ARHGAP6: variants seen among roughly 807,000 people sequenced by gnomAD.
ARHGAP6 encodes Rho GTPase activating protein 6.
In ARHGAP6, 16 loss-of-function variants were observed where a neutral mutation model predicts 55.7. The observed-to-expected ratio is 0.29, with a 90% CI of 0.19 to 0.44. ARHGAP6 has a LOEUF of 0.44. Among genes scored for constraint, ARHGAP6 ranks in the 20% least tolerant of loss-of-function variants. ARHGAP6 has a pLI of 1.00. For synonymous variants in ARHGAP6, 382 were observed against 360.9 expected (o/e 1.06, Z -0.66); for missense variants, 698 against 808.9 (o/e 0.86, Z 1.66).
Position 11,327,502 on chromosome X carries a change from T to G in ARHGAP6, c.589-72795A>C, listed in dbSNP as rs189038957. On this transcript the variant is annotated intron_variant, in intron 1 of 12. Coordinates refer to ENST00000337414, the MANE Select transcript of ARHGAP6 (RefSeq NM_013427.3). ...TGCAAAGTATCAAATAATTTTGGAA[T>G]GTTGAACACCTATGGGAAGGGCATA... Among the ~76,000 whole-genome samples, 425 of 112,219 alleles carry G rather than the reference T, an allele frequency of 3.8e-3. 1 individual carries two copies. The highest frequency in any genetic ancestry group is 0.014 in the Middle Eastern group (3 of 218).
chrX:11,483,507 T>C (rs763891856), intron 1 of ARHGAP6, among the ~76,000 whole-genome samples: 2 of 111,599 alleles, frequency 1.8e-5, no homozygotes, highest in Non-Finnish European at 3.8e-5. Context: ...GGTGAAGAAG[T>C]GATGCTTGGA....
chrX:11,319,980 A>T (rs1473723568), intron 1 of ARHGAP6, among the ~76,000 whole-genome samples: 1 of 112,233 alleles, frequency 8.9e-6, no homozygotes, highest in African/African-American at 3.2e-5. Context: ...AGCAGATGTT[A>T]TTCGCGTAAC....
chrX:11,522,144 A>C (rs1372660666), intron 1 of ARHGAP6, among the ~76,000 whole-genome samples: 1 of 111,900 alleles, frequency 8.9e-6, no homozygotes. Context: ...TACTGGGTAC[A>C]TAACGAAATG....
chrX:11,535,319 A>G (rs1351570463), intron 1 of ARHGAP6, among the ~76,000 whole-genome samples: 5 of 111,717 alleles, frequency 4.5e-5, no homozygotes, highest in Non-Finnish European at 9.4e-5. Context: ...AATTATTCCC[A>G]TTTATATGGA....
chrX:11,272,337 G>A (rs1211056859), intron 1 of ARHGAP6, among the ~76,000 whole-genome samples: 1 of 111,040 alleles, frequency 9.0e-6, no homozygotes, highest in Non-Finnish European at 1.9e-5. Context: ...AAATTCTAAG[G>A]TGCAGTCCAG....
chrX:11,458,238 T>A lies in ARHGAP6; in HGVS notation c.589-203531A>T, dbSNP rs1439417988. ...ATGCAGCTGAACCTCCTGCCATAGA[T>A]TCAATAGATTTACTGAAGACTTTAG... On this transcript the variant is annotated intron_variant, in intron 1 of 12. Coordinates refer to ENST00000337414, the MANE Select transcript of ARHGAP6 (RefSeq NM_013427.3). Among the ~76,000 whole-genome samples, 7 of 112,439 alleles carry A rather than the reference T, an allele frequency of 6.2e-5. No homozygotes were observed. In the Admixed American group the frequency reaches 6.6e-4, roughly 11 times the overall value.
intron 1 of ARHGAP6, among the ~76,000 whole-genome samples, chrX:11,337,655 G>A (rs2048655759): frequency 1.8e-5 from 2 of 112,755 alleles, no homozygotes; most frequent in South Asian, 7.3e-4. Flanking sequence ...ATACAAAGTA[G>A]ATGAATACTC....
At chrX:11,477,424 AC>A (rs2050414656) in intron 1 of ARHGAP6, among the ~76,000 whole-genome samples, 1 of 111,719 alleles carries the variant, frequency 9.0e-6, no homozygotes, top group African/African-American at 3.2e-5. Context: ...AAATGTGACA[AC>A]CCTTTAGAGA....
At chrX:11,521,976 T>A (rs752057707) in intron 1 of ARHGAP6, among the ~76,000 whole-genome samples, 2 of 111,506 alleles carry the variant, frequency 1.8e-5, no homozygotes, top group African/African-American at 6.5e-5. Flanking sequence ...TATTGGTGTA[T>A]AAGAATGCTT....
At chrX:11,459,489 G>A (rs755490203) in intron 1 of ARHGAP6, among the ~76,000 whole-genome samples, 2 of 111,650 alleles carry the variant, frequency 1.8e-5, no homozygotes, top group Non-Finnish European at 3.8e-5. Context: ...CCTGGTGGGA[G>A]TTGGGGTTGT....
chrX:11,607,157 G>C (rs2052045090), intron 1 of ARHGAP6, among the ~76,000 whole-genome samples: 1 of 112,286 alleles, frequency 8.9e-6, no homozygotes, highest in Admixed American at 9.4e-5. Flanking sequence ...TAATCTGTAT[G>C]AACATATTCC....
chrX:11,524,091 A>T (rs1347070120), intron 1 of ARHGAP6, among the ~76,000 whole-genome samples: 1 of 112,051 alleles, frequency 8.9e-6, no homozygotes, highest in Non-Finnish European at 1.9e-5. Flanking sequence ...CAAAACCTGA[A>T]GCTATTATCT....
intron 1 of ARHGAP6, among the ~76,000 whole-genome samples, chrX:11,551,690 C>G (rs902424759): frequency 8.1e-5 from 9 of 111,610 alleles, no homozygotes; most frequent in African/African-American, 2.9e-4. Flanking sequence ...GTCTGGTGTC[C>G]TTGTGAAATA....
At chrX:11,267,677 G>GGTGACTAA (rs1194825180) in intron 1 of ARHGAP6, among the ~76,000 whole-genome samples, 1 of 112,365 alleles carries the variant, frequency 8.9e-6, no homozygotes, top group Non-Finnish European at 1.9e-5. Flanking sequence ...TTCGTAAGAA[G>GGTGACTAA]GTGACTAAGT....
At chrX:11,274,606 AT>A (rs1164220340) in intron 1 of ARHGAP6, among the ~76,000 whole-genome samples, 3 of 111,243 alleles carry the variant, frequency 2.7e-5, no homozygotes, top group Non-Finnish European at 5.7e-5. Flanking sequence ...AAGGAACCAC[AT>A]TTTTTTTCTG....
At chrX:11,457,631 C>G (rs1184091068) in intron 1 of ARHGAP6, among the ~76,000 whole-genome samples, 1 of 111,683 alleles carries the variant, frequency 9.0e-6, no homozygotes, top group Non-Finnish European at 1.9e-5. Flanking sequence ...CTGCAGACAG[C>G]TCCCCTAAAT....
At chrX:11,492,018 A>G (rs2050576393) in intron 1 of ARHGAP6, among the ~76,000 whole-genome samples, 1 of 108,805 alleles carries the variant, frequency 9.2e-6, no homozygotes, top group African/African-American at 3.4e-5. Flanking sequence ...TCTTCTTTTG[A>G]GAAGTGTCTG....
intron 1 of ARHGAP6, among the ~76,000 whole-genome samples, chrX:11,358,535 G>A (rs1219797660): frequency 2.0e-5 from 2 of 101,212 alleles, no homozygotes; most frequent in Non-Finnish European, 4.0e-5. Context: ...GCTGGAATGC[G>A]ATGGCGTGAT....
At chrX:11,663,405 TA>T (rs766920731) in intron 1 of ARHGAP6, among the ~76,000 whole-genome samples, 7 of 112,149 alleles carry the variant, frequency 6.2e-5, no homozygotes, top group Non-Finnish European at 1.3e-4. Context: ...CCGAAGGGGA[TA>T]GGGGCTGTTC....
Sources: gnomAD v4.1 joint callset for allele counts (sites outside exome capture counted in the v4.1 genomes callset) on GRCh38, gnomAD v4.1.1 for gene constraint, MANE v1.5 for transcripts, NCBI Gene and HGNC (gene_info 2026-07-23, HGNC 2026-07-21) for gene names.